TMPRSS15: variants seen among roughly 807,000 people sequenced by gnomAD.
TMPRSS15 encodes transmembrane serine protease 15, also known as enteropeptidase.
A neutral mutation model predicts 125.3 loss-of-function variants in TMPRSS15; 128 were observed. The observed-to-expected ratio is 1.02, with a 90% confidence interval of 0.89 to 1.18. TMPRSS15 has a LOEUF of 1.18. TMPRSS15 is among the 50% of genes most tolerant of loss of function. The probability of loss-of-function intolerance (pLI) is 0.00; values close to 1 mark genes in which losing one functional copy is unlikely to be tolerated. For missense variants in TMPRSS15, 1,283 were observed against 1,212.7 expected (o/e 1.06, Z -0.86); for synonymous variants, 446 against 423.2 (o/e 1.05, Z -0.66).
intron 21 of TMPRSS15, among the ~76,000 whole-genome samples, chr21:18,291,110 A>C (rs2074828595): frequency 6.6e-6 from 1 of 152,232 alleles, no homozygotes; most frequent in African/African-American, 2.4e-5. Flanking sequence ...GAATCGCAGT[A>C]GGCAAAAGCA....
At chr21:18,458,563 T>G (rs1978486447) in intron 1 of TMPRSS15, among the ~76,000 whole-genome samples, 2 of 152,306 alleles carry the variant, frequency 1.3e-5, no homozygotes, top group African/African-American at 4.8e-5. Flanking sequence ...ACAAAGTGTT[T>G]CCATTCATGA....
chr21:18,441,347 C>G (rs527648439), intron 1 of TMPRSS15, among the ~76,000 whole-genome samples: 1 of 151,852 alleles, frequency 6.6e-6, no homozygotes, highest in African/African-American at 2.4e-5. Flanking sequence ...TGGCTCACAC[C>G]TGTAATCCCA....
chr21:18,468,381 T>C (rs1978708436), intron 1 of TMPRSS15, among the ~76,000 whole-genome samples: 2 of 152,180 alleles, frequency 1.3e-5, no homozygotes, highest in Admixed American at 6.6e-5. Flanking sequence ...AATATTGATA[T>C]ACAATTGCAG....
At chr21:18,354,080 T>C (rs2075600818) in intron 8 of TMPRSS15, among the ~76,000 whole-genome samples, 1 of 151,796 alleles carries the variant, frequency 6.6e-6, no homozygotes, top group Non-Finnish European at 1.5e-5. Flanking sequence ...ATTATACATA[T>C]TTATGGTTTG....
chr21:18,476,225 C>T (rs571136795), intron 1 of TMPRSS15, among the ~76,000 whole-genome samples: 1 of 152,184 alleles, frequency 6.6e-6, no homozygotes, highest in East Asian at 1.9e-4. Context: ...TTTAGAATAT[C>T]CTGAGAAATG....
chr21:18,391,087 A>G (rs1034954860), intron 3 of TMPRSS15, among the ~76,000 whole-genome samples: 1 of 152,176 alleles, frequency 6.6e-6, no homozygotes, highest in African/African-American at 2.4e-5. Context: ...CTCTCTCAAC[A>G]TGTAGGGATT....
intron 1 of TMPRSS15, among the ~76,000 whole-genome samples, chr21:18,399,514 A>G (rs1002741494): frequency 6.6e-6 from 1 of 152,154 alleles, no homozygotes; most frequent in Non-Finnish European, 1.5e-5. Flanking sequence ...GGACTGAGGA[A>G]CTACAACAGA....
intron 18 of TMPRSS15, among the ~76,000 whole-genome samples, chr21:18,300,980 A>C (rs1454048424): frequency 6.6e-6 from 1 of 152,180 alleles, no homozygotes; most frequent in Admixed American, 6.5e-5. Flanking sequence ...AAAGATGTGT[A>C]ATCTTATTTT....
intron 16 of TMPRSS15, among the ~76,000 whole-genome samples, chr21:18,322,266 T>C (rs2075246515): frequency 1.3e-5 from 2 of 152,160 alleles, no homozygotes; most frequent in Admixed American, 1.3e-4. Flanking sequence ...TTGGTAGAAA[T>C]GTAAAATAGT....
chr21:18,325,144 TTACC>T (rs1016361437), intron 16 of TMPRSS15, among the ~76,000 whole-genome samples: 2 of 152,100 alleles, frequency 1.3e-5, no homozygotes, highest in Admixed American at 6.5e-5. Flanking sequence ...ATTTTGTTCT[TTACC>T]TAACAAAATC....
At chr21:18,405,674 C>T (rs571651397), upstream of TMPRSS15, among the ~76,000 whole-genome samples, 9 of 152,128 alleles carry the variant, frequency 5.9e-5, no homozygotes, top group East Asian at 1.7e-3. Flanking sequence ...TACATAGCGC[C>T]GCATTGATTT....
Position 18,320,048 on chromosome 21 carries a change from T to G in TMPRSS15, c.1922-4792A>C, listed in dbSNP as rs1047651079. 9.9e-5 allele frequency among the ~76,000 whole-genome samples: 15 copies of G among 152,272 alleles called. No homozygotes were observed. The East Asian group carries it at 2.9e-3, about 29-fold the overall frequency. ...ACGGAGGTTCTTGAAAATGTAATTATCAATTTGTTTCACAAACATATTTTT... is the reference window on the plus strand; with the variant it reads ...ACGGAGGTTCTTGAAAATGTAATTAGCAATTTGTTTCACAAACATATTTTT... On this transcript the variant is annotated intron_variant, in intron 16 of 24. Transcript: ENST00000284885.
At chr21:18,427,667 T>C (rs907037487) in intron 1 of TMPRSS15, among the ~76,000 whole-genome samples, 14 of 152,200 alleles carry the variant, frequency 9.2e-5, no homozygotes, top group African/African-American at 3.1e-4. Flanking sequence ...ATTGTTTACC[T>C]AAGAAATATA....
At chr21:18,303,926 C>T (rs1170987486) in intron 18 of TMPRSS15, among the ~76,000 whole-genome samples, 2 of 152,166 alleles carry the variant, frequency 1.3e-5, no homozygotes, top group Admixed American at 6.5e-5. Flanking sequence ...AACGACATTT[C>T]ACAAAAGTCT....
At chr21:18,336,559 G>A (rs1170456821) in intron 13 of TMPRSS15, among the ~76,000 whole-genome samples, 2 of 152,132 alleles carry the variant, frequency 1.3e-5, no homozygotes, top group Non-Finnish European at 1.5e-5. Flanking sequence ...TTTATTAAAT[G>A]TGTAACAATA....
At chr21:18,468,357 A>G (rs1015039095) in intron 1 of TMPRSS15, among the ~76,000 whole-genome samples, 2 of 152,124 alleles carry the variant, frequency 1.3e-5, no homozygotes, top group African/African-American at 4.8e-5. Context: ...GACACAGCCA[A>G]TTCAGGTTGG....
chr21:18,464,743 A>G (rs1221168896), intron 1 of TMPRSS15, among the ~76,000 whole-genome samples: 1 of 152,132 alleles, frequency 6.6e-6, no homozygotes, highest in Admixed American at 6.5e-5. Context: ...ACCAATAACA[A>G]TTTCTGAAAT....
At chr21:18,479,614 A>C (rs989516646) in intron 1 of TMPRSS15, among the ~76,000 whole-genome samples, 3 of 152,060 alleles carry the variant, frequency 2.0e-5, no homozygotes, top group African/African-American at 7.2e-5. Flanking sequence ...GAAGACATTT[A>C]TGTGGCCCAC....
intron 8 of TMPRSS15, 143 bp from the exon 9 acceptor site, chr21:18,354,006 C>T (rs2075600098): frequency 1.4e-6 from 1 of 694,700 alleles, no homozygotes; most frequent in Admixed American, 2.8e-5. Flanking sequence ...TAACTAAAAG[C>T]ATTAGTCTTA....
Sources: allele counts gnomAD v4.1 joint callset (sites outside exome capture counted in the v4.1 genomes callset), GRCh38; gene constraint gnomAD v4.1.1; transcripts MANE v1.5; gene names NCBI Gene and HGNC (gene_info 2026-07-23, HGNC 2026-07-21).